ARHGAP27: variants seen among roughly 807,000 people sequenced by gnomAD.
The protein encoded by ARHGAP27 is rho GTPase-activating protein 27.
A neutral mutation model predicts 102.0 loss-of-function variants in ARHGAP27; 53 were observed. The ratio of observed to expected loss-of-function variants is 0.52; its 90% confidence interval spans 0.42 to 0.65. The LOEUF (loss-of-function observed/expected upper bound fraction) is 0.65, where lower values mean the gene tolerates loss of function less well. ARHGAP27 is among the 30% of genes least tolerant of loss of function. The pLI, the probability that ARHGAP27 is intolerant of heterozygous loss-of-function variation, is 0.00. For missense variants in ARHGAP27, 1,117 were observed against 1,256.2 expected (o/e 0.89, Z 1.68); for synonymous variants, 525 against 542.8 (o/e 0.97, Z 0.46).
intron 4 of ARHGAP27, chr17:45,409,461 C>A (rs1431153686): frequency 1.3e-5 from 2 of 152,258 alleles, no homozygotes; most frequent in East Asian, 3.8e-4. Flanking sequence ...AGGGGCACAG[C>A]AGCATTCCTC....
At chr17:45,428,013 C>G (rs1241095765) in intron 4 of ARHGAP27, among the ~76,000 whole-genome samples, 1 of 152,218 alleles carries the variant, frequency 6.6e-6, no homozygotes, top group African/African-American at 2.4e-5. Flanking sequence ...AGAGCCCTGG[C>G]TCATAGGTAA....
At chr17:45,397,520 T>C (rs1022038096) in intron 13 of ARHGAP27, 3 of 213,958 alleles carry the variant, frequency 1.4e-5, no homozygotes, top group Non-Finnish European at 1.8e-5. Context: ...CCCCAGGTCA[T>C]TTCCAGGTCA....
chr17:45,404,612 C>T lies in ARHGAP27; in HGVS notation c.1318G>A (p.Glu440Lys), dbSNP rs748530801. The T allele has an allele frequency of 1.9e-6, 3 of 1,614,018 alleles. No homozygotes were observed. The South Asian group carries it at 3.3e-5, about 18-fold the overall frequency. Residue 440 changes from glutamate (E) to lysine (K), a missense_variant, in exon 7 of 20, where the codon GAG (glutamate) becomes AAG (lysine). By Grantham distance (56) the Glu-to-Lys change is moderately conservative (BLOSUM62 1). Coordinates refer to ENST00000685559, the MANE Select transcript of ARHGAP27 (RefSeq NM_001282290.2). The stretch of plus-strand genomic sequence containing the variant: ...CCCCAGGTTGTTACCTGGGGCAGCT[C>T]CCATCGAACAGAGGAGTCCTCTGGA... ...YNPEDSSVRW[E>K]LPQVPVPAPR...
At chr17:45,410,770 A>T (rs1364961090) in intron 4 of ARHGAP27, among the ~76,000 whole-genome samples, 1 of 150,948 alleles carries the variant, frequency 6.6e-6, no homozygotes, top group Non-Finnish European at 1.5e-5. Flanking sequence ...CAGGACAATG[A>T]GTGGTTGTCC....
intron 4 of ARHGAP27, among the ~76,000 whole-genome samples, chr17:45,422,303 C>T (rs2049109648): frequency 1.3e-5 from 2 of 151,016 alleles, no homozygotes; most frequent in East Asian, 1.9e-4. Context: ...TGTGGTCCCA[C>T]GTTCTCAAGG....
rs1261478894 is a variant in ARHGAP27, at chr17:45,405,895, G to T, written c.846C>A (p.Ala282=). 1.0e-5 allele frequency: 16 copies of T among 1,535,792 alleles called. No homozygotes were observed. In the East Asian group the frequency reaches 3.9e-4, roughly 38 times the overall value. The stretch of plus-strand genomic sequence containing the variant: ...AGGTGGCTGGGCTGGCGGCACCCTC[G>T]GCAGCCTCAAAGGGCGACTCCCAGG... ...VTTWESPFEA[A]EGAASPATSP... The change falls in exon 5 of 20, where the codon GCC becomes GCA. Residue 282 remains alanine (A), a synonymous_variant. Transcript: ENST00000685559.
At chr17:45,403,823 T>C (rs2046774499) in intron 10 of ARHGAP27, 114 bp from the exon 11 acceptor site, 1 of 1,035,914 alleles carries the variant, frequency 9.7e-7, no homozygotes, top group African/African-American at 1.6e-5. Context: ...GGGCACCCCA[T>C]TATGAGGGCT....
chr17:45,425,990 C>T (rs2049559151), intron 4 of ARHGAP27, among the ~76,000 whole-genome samples: 1 of 152,298 alleles, frequency 6.6e-6, no homozygotes, highest in Admixed American at 6.5e-5. Flanking sequence ...GGAGATGTCC[C>T]TCCTGGGACA....
intron 4 of ARHGAP27, among the ~76,000 whole-genome samples, chr17:45,416,889 T>C (rs1380486120): frequency 6.8e-6 from 1 of 147,288 alleles, no homozygotes; most frequent in Non-Finnish European, 1.5e-5. Flanking sequence ...GCGCGGTGGC[T>C]CATGCCTGTA....
intron 13 of ARHGAP27, chr17:45,397,692 C>A: frequency 2.5e-6 from 1 of 394,262 alleles, no homozygotes; most frequent in Non-Finnish European, 4.5e-6. Flanking sequence ...TTCTGCCTCC[C>A]GTGAAATGGG....
At chr17:45,412,388 C>T (rs1258992460) in intron 4 of ARHGAP27, among the ~76,000 whole-genome samples, 1 of 152,194 alleles carries the variant, frequency 6.6e-6, no homozygotes, top group Non-Finnish European at 1.5e-5. Flanking sequence ...TGCACAACAC[C>T]CCTCCTTTCC....
intron 4 of ARHGAP27, among the ~76,000 whole-genome samples, chr17:45,424,147 AAG>A (rs1327909655): frequency 6.6e-6 from 1 of 152,198 alleles, no homozygotes; most frequent in Non-Finnish European, 1.5e-5. Flanking sequence ...AGGAGAGGGC[AAG>A]GAGGCAGGGT....
chr17:45,413,415 G>T (rs1056264349), intron 4 of ARHGAP27, among the ~76,000 whole-genome samples: 2 of 152,166 alleles, frequency 1.3e-5, no homozygotes, highest in African/African-American at 2.4e-5. Flanking sequence ...CAGAGACTTG[G>T]ACTCTTGTCT....
At chr17:45,404,370 T>A (rs1387446173) in intron 8 of ARHGAP27, 36 bp from the exon 9 acceptor site, 14 of 1,613,478 alleles carry the variant, frequency 8.7e-6, no homozygotes, top group Non-Finnish European at 1.2e-5. Flanking sequence ...ACCAAGTCCC[T>A]CCTCCCAGGA....
At position 45,422,670 on chromosome 17, in the gene ARHGAP27, C is replaced by G. The variant is rs12452489; in HGVS notation, c.657+6953G>C. 1.3e-3 allele frequency among the ~76,000 whole-genome samples: 198 copies of G among 152,018 alleles called. 1 individual carries two copies. The highest frequency in any genetic ancestry group is 4.6e-3 in the African/African-American group (192 of 41,446). ...GAAATCTGCATCCTCCTGACAGCGT[C>G]GTAGTTAAATATAAAAAGCAAAAAC... On this transcript the variant is annotated intron_variant, in intron 4 of 19. Coordinates refer to ENST00000685559, the MANE Select transcript of ARHGAP27 (RefSeq NM_001282290.2).
Position 45,430,764 on chromosome 17 carries a change from G to T in ARHGAP27, c.-18-467C>A, listed in dbSNP as rs1011085476. Among the ~76,000 whole-genome samples the T allele has an allele frequency of 1.3e-5, 2 of 152,014 alleles. No homozygotes were observed. The highest frequency in any genetic ancestry group is 1.5e-5 in the Non-Finnish European group (1 of 67,990). On this transcript the variant is annotated intron_variant, in intron 3 of 19. Transcript: ENST00000685559. This position sits in a 1 kb window ranked among gnomAD's most constrained non-coding sequence, Gnocchi z 4.4. Reference sequence around the variant, plus strand: ...CGCCTGGAAGCCTCCCGCCCGCAGAGAATCAGCAGAGGGTCTCGTAGCACT... The same window carrying T: ...CGCCTGGAAGCCTCCCGCCCGCAGATAATCAGCAGAGGGTCTCGTAGCACT...
intron 14 of ARHGAP27, 39 bp downstream of exon 14, chr17:45,396,877 G>T: frequency 6.2e-7 from 1 of 1,605,862 alleles, no homozygotes; most frequent in Non-Finnish European, 8.5e-7. Context: ...CCCAGGAGAG[G>T]CCTCCTGGAG....
Position 45,404,994 on chromosome 17 carries a change from G to T in ARHGAP27, c.1178C>A (p.Pro393His). Residue 393 changes from proline to histidine, a missense_variant, in exon 6 of 20, where the codon CCC (proline) becomes CAC (histidine). Physicochemically the swap from Pro to His is moderately conservative, Grantham distance 77 (BLOSUM62 -2). This residue lies in a region of ARHGAP27 where 610 missense variants were observed against 716.4 expected (regional missense o/e 0.85). Transcript: ENST00000685559. ...GCTGACATGACAAGACCAGCCGGGGGGTGTGGTCAAGGGAGAGGTAGGGCC... is the reference window on the plus strand; with the variant it reads ...GCTGACATGACAAGACCAGCCGGGGTGTGTGGTCAAGGGAGAGGTAGGGCC... ...EPGPTSPLTT[P>H]PGWSCHVSQD... 6.2e-7 allele frequency: 1 copy of T among 1,614,118 alleles called. No individual in the cohort carries two copies.
At position 45,396,911 on chromosome 17, in the gene ARHGAP27, C is replaced by T; in HGVS notation, c.1951+5G>A. On this transcript the variant is annotated splice_donor_5th_base_variant and intron_variant, in intron 14 of 19. Coordinates refer to ENST00000685559, the MANE Select transcript of ARHGAP27 (RefSeq NM_001282290.2). ...AGCCCCCACCCCATCCTGCCTTGCG[C>T]ACACCTGCATTCGGTCGCGCGTCCT... 1 of 1,607,112 alleles carries T rather than the reference C, an allele frequency of 6.2e-7. No homozygotes were observed. The highest frequency in any genetic ancestry group is 8.5e-7 in the Non-Finnish European group (1 of 1,179,948).
Sources: allele counts gnomAD v4.1 joint callset (sites outside exome capture counted in the v4.1 genomes callset), GRCh38; gene constraint gnomAD v4.1.1; regional missense constraint gnomAD v4.1.1; non-coding constraint Gnocchi (gnomAD v3.1); transcripts MANE v1.5; gene names NCBI Gene and HGNC (gene_info 2026-07-23, HGNC 2026-07-21).